MEGF10: variants seen among roughly 807,000 people sequenced by gnomAD.
MEGF10 encodes the protein multiple epidermal growth factor-like domains protein 10.
A neutral mutation model predicts 147.5 loss-of-function variants in MEGF10; 86 were observed. That is an observed-to-expected ratio of 0.58 (90% CI 0.49 to 0.70). The LOEUF is 0.70. Ranked by LOEUF, MEGF10 falls within the 30% of genes least tolerant of loss-of-function variation. The pLI is 0.00. For synonymous variants in MEGF10, 478 were observed against 525.5 expected, an observed-to-expected ratio of 0.91 and a Z score of 1.24; for missense variants, 1,329 against 1,487.3, an observed-to-expected ratio of 0.89 and a Z score of 1.75.
At chr5:127,268,808 C>G in the MEGF10 span, among the ~76,000 whole-genome samples, 1 of 152,254 alleles carries the variant, frequency 6.6e-6, no homozygotes, top group Non-Finnish European at 1.5e-5. Context: ...GGTCCCTGAC[C>G]TCTGAGTAGC....
chr5:127,393,095 A>G (rs890199727), intron 5 of MEGF10, among the ~76,000 whole-genome samples: 1 of 152,218 alleles, frequency 6.6e-6, no homozygotes, highest in Non-Finnish European at 1.5e-5. Context: ...AGGATACTCA[A>G]GCTATTTTCA....
chr5:127,422,796 G>C, intron 13 of MEGF10, 24 bp downstream of exon 13: 1 of 1,581,562 alleles, frequency 6.3e-7, no homozygotes, highest in African/African-American at 1.3e-5. Flanking sequence ...ACCGCTAATT[G>C]AAAGGTGAAA....
At chr5:127,319,345 G>A (rs1167292806) in intron 1 of MEGF10, among the ~76,000 whole-genome samples, 1 of 152,104 alleles carries the variant, frequency 6.6e-6, no homozygotes, top group Non-Finnish European at 1.5e-5. Context: ...CAAGGTATTA[G>A]GATTACAGGC....
intron 5 of MEGF10, among the ~76,000 whole-genome samples, chr5:127,383,142 A>G (rs1380911079): frequency 1.3e-5 from 2 of 152,178 alleles, no homozygotes; most frequent in African/African-American, 4.8e-5. Flanking sequence ...GTATTAGGAG[A>G]TAGATTATTT....
Position 127,411,571 on chromosome 5 carries a change from C to T in MEGF10, c.1130+970C>T, listed in dbSNP as rs77264047. ...CACTCTGTGTGTGTGTGTGTGTGTG[C>T]GCGCATATGTGTGCTGTAATACATT... On this transcript the variant is annotated intron_variant, in intron 9 of 24. Coordinates refer to ENST00000503335, the MANE Select transcript of MEGF10 (RefSeq NM_001256545.2). Among the ~76,000 whole-genome samples, 830 of 151,156 alleles carry T rather than the reference C, an allele frequency of 5.5e-3. 8 individuals carry two copies. Among genetic ancestry groups the T allele is most frequent in the African/African-American group, 0.018 (720 of 40,932 alleles).
chr5:127,247,467 G>GAAC, the MEGF10 span, among the ~76,000 whole-genome samples: 5 of 117,194 alleles, frequency 4.3e-5, 1 homozygote, highest in South Asian at 9.2e-4. Context: ...AGAAGAAGAA[G>GAAC]AAGAAGAAGA....
intron 5 of MEGF10, among the ~76,000 whole-genome samples, chr5:127,395,796 G>A (rs1358019748): frequency 3.3e-5 from 5 of 151,952 alleles, no homozygotes; most frequent in Middle Eastern, 3.4e-3. Flanking sequence ...CTCCCGTCTC[G>A]GCCTCCCAAA....
At chr5:127,429,498 C>T (rs181378283) in intron 13 of MEGF10, among the ~76,000 whole-genome samples, 7 of 152,230 alleles carry the variant, frequency 4.6e-5, no homozygotes, top group African/African-American at 1.7e-4. Context: ...TTATGTGTAT[C>T]GATTCATTCA....
the MEGF10 span, among the ~76,000 whole-genome samples, chr5:127,260,959 T>C: frequency 6.6e-6 from 1 of 152,168 alleles, no homozygotes; most frequent in Non-Finnish European, 1.5e-5. Flanking sequence ...ACAGGAACTG[T>C]AGTGCAGTTC....
intron 13 of MEGF10, chr5:127,424,621 T>C: frequency 8.1e-7 from 1 of 1,235,270 alleles, no homozygotes; most frequent in Non-Finnish European, 1.0e-6. Flanking sequence ...TGATTTCTAG[T>C]GTCTGAGAGC....
intron 1 of MEGF10, among the ~76,000 whole-genome samples, chr5:127,327,714 CTTTT>C (rs11285616): frequency 2.4e-5 from 3 of 122,920 alleles, no homozygotes; most frequent in Non-Finnish European, 3.4e-5. Context: ...CTTTTCTTTT[CTTTT>C]TTTTTTTTTT....
chr5:127,449,299 GC>G, intron 22 of MEGF10, 77 bp downstream of exon 22: 1 of 1,578,070 alleles, frequency 6.3e-7, no homozygotes, highest in Non-Finnish European at 8.6e-7. Flanking sequence ...CTCTGTTTGT[GC>G]CAAGGTGTTC....
rs1315686182 is a variant in MEGF10, at chr5:127,388,712, A to AT, written c.413-7814dup. 2.0e-5 allele frequency among the ~76,000 whole-genome samples: 3 copies of AT among 150,228 alleles called. No homozygotes were observed. The East Asian group carries it at 5.9e-4, about 30-fold the overall frequency. ...AGGCACCCGCCACCATGCCCGGCTAATTTTTTGTATTTTTAGTAGAGACAG... is the reference window on the plus strand; with the variant it reads ...AGGCACCCGCCACCATGCCCGGCTAATTTTTTTGTATTTTTAGTAGAGACAG... On this transcript the variant is annotated intron_variant, in intron 5 of 24. Transcript: ENST00000503335.
At chr5:127,347,691 AGG>A in intron 4 of MEGF10, among the ~76,000 whole-genome samples, 1 of 152,092 alleles carries the variant, frequency 6.6e-6, no homozygotes, top group Non-Finnish European at 1.5e-5. Context: ...TAGTTTTCCA[AGG>A]AAAACTGTTA....
At chr5:127,285,515 G>C in the MEGF10 span, among the ~76,000 whole-genome samples, 3 of 152,082 alleles carry the variant, frequency 2.0e-5, no homozygotes, top group African/African-American at 4.8e-5. Context: ...GATTGCATTA[G>C]TTATGTTGTA....
chr5:127,436,300 T>C (rs1765551401), intron 16 of MEGF10, among the ~76,000 whole-genome samples: 1 of 152,272 alleles, frequency 6.6e-6, no homozygotes, highest in African/African-American at 2.4e-5. Flanking sequence ...CTGCAAATAC[T>C]AATTGATGAG....
intron 1 of MEGF10, among the ~76,000 whole-genome samples, chr5:127,321,740 T>A (rs246889): frequency 0.62 from 93,907 of 151,792 alleles, 29,376 homozygotes; most frequent in Middle Eastern, 0.79. Context: ...AATATCTGTT[T>A]GCATCCTTCT....
At position 127,343,143 on chromosome 5, in the gene MEGF10, G is replaced by T. The variant is rs538366041; in HGVS notation, c.319+2513G>T. On this transcript the variant is annotated intron_variant, in intron 4 of 24. Transcript: ENST00000503335. ...TTCATAGTCTCTTTTTTTCTACCAA[G>T]TTTTGCTGCCAGACAGATAACATGG... Among the ~76,000 whole-genome samples, 356 of 152,142 alleles carry T rather than the reference G, an allele frequency of 2.3e-3. 1 individual carries two copies. The highest frequency in any genetic ancestry group is 4.4e-3 in the Non-Finnish European group (297 of 67,994).
At chr5:127,313,310 A>G (rs757643957) in intron 1 of MEGF10, among the ~76,000 whole-genome samples, 15 of 152,274 alleles carry the variant, frequency 9.9e-5, no homozygotes, top group Admixed American at 5.2e-4. Context: ...TTGCTTTATT[A>G]TCTTTCTCCA....
Sources: gnomAD v4.1 joint callset for allele counts (sites outside exome capture counted in the v4.1 genomes callset) on GRCh38, gnomAD v4.1.1 for gene constraint, MANE v1.5 for transcripts, NCBI Gene and HGNC (gene_info 2026-07-23, HGNC 2026-07-21) for gene names.